The following NPAS3 variants were observed in gnomAD, a reference collection of about 807,000 sequenced individuals.
NPAS3 encodes neuronal PAS domain protein 3.
NPAS3 carries 14 observed loss-of-function variants against 73.1 expected under a neutral mutation model. That is an observed-to-expected ratio of 0.19 (90% CI 0.13 to 0.30). NPAS3 has a LOEUF of 0.30. Among genes scored for constraint, NPAS3 ranks in the 10% least tolerant of loss-of-function variants. The probability of loss-of-function intolerance (pLI) is 1.00; values close to 1 mark genes in which losing one functional copy is unlikely to be tolerated. For synonymous variants in NPAS3, 620 were observed against 541.5 expected, an observed-to-expected ratio of 1.14 and a Z score of -2.01; for missense variants, 1,096 against 1,250.0, an observed-to-expected ratio of 0.88 and a Z score of 1.86.
chr14:33,159,201 A>G (rs942713295), intron 2 of NPAS3, among the ~76,000 whole-genome samples: 4 of 152,100 alleles, frequency 2.6e-5, no homozygotes, highest in African/African-American at 9.7e-5. Context: ...AAAAACCAAA[A>G]TATTACTGTA....
chr14:33,597,733 G>A (rs1041078795), intron 5 of NPAS3, among the ~76,000 whole-genome samples: 2 of 152,328 alleles, frequency 1.3e-5, no homozygotes, highest in African/African-American at 2.4e-5. Flanking sequence ...TGAGCTGGCC[G>A]GCACTGGCCT....
chr14:33,779,094 G>A (rs186849317), intron 9 of NPAS3, among the ~76,000 whole-genome samples: 33 of 152,314 alleles, frequency 2.2e-4, no homozygotes, highest in African/African-American at 6.5e-4. Flanking sequence ...CAGTGCTTTC[G>A]CTGTTTCTGG....
intron 4 of NPAS3, among the ~76,000 whole-genome samples, chr14:33,496,366 G>C (rs914195441): frequency 6.6e-6 from 1 of 152,110 alleles, no homozygotes; most frequent in Non-Finnish European, 1.5e-5. Context: ...GCATCAGCCT[G>C]ATACCAAAGC....
chr14:33,268,516 CT>C (rs1384021452), intron 3 of NPAS3, among the ~76,000 whole-genome samples: 1 of 152,018 alleles, frequency 6.6e-6, no homozygotes. Context: ...CTATGGATTT[CT>C]TTATTTCTCC....
intron 2 of NPAS3, among the ~76,000 whole-genome samples, chr14:33,063,693 T>C (rs1337002542): frequency 2.0e-5 from 3 of 152,198 alleles, no homozygotes; most frequent in Non-Finnish European, 2.9e-5. Flanking sequence ...AAGCTGCAAA[T>C]ATTTACAATC....
chr14:33,544,825 A>ATATATTATATATATATATATATT, intron 4 of NPAS3, among the ~76,000 whole-genome samples: 1 of 112,188 alleles, frequency 8.9e-6, no homozygotes, highest in African/African-American at 4.1e-5. Flanking sequence ...TATATAATAT[A>ATATATTATATATATATATATATT]TATGTGTATA....
intron 3 of NPAS3, among the ~76,000 whole-genome samples, chr14:33,311,306 T>C (rs79238458): frequency 0.029 from 4,366 of 152,268 alleles, 212 homozygotes; most frequent in East Asian, 0.2. Flanking sequence ...TGTTTGTATA[T>C]TGATTGACCA....
chr14:33,322,610 CTAAA>C (rs2043505591), intron 3 of NPAS3, among the ~76,000 whole-genome samples: 1 of 151,986 alleles, frequency 6.6e-6, no homozygotes, highest in African/African-American at 2.4e-5. Context: ...TGCCGTTTTG[CTAAA>C]TGTTTATTTT....
rs574978567 is a variant in NPAS3, at chr14:33,215,200, G to A, written c.159G>A (p.Lys53=). 76 of 1,613,786 alleles carry A rather than the reference G, an allele frequency of 4.7e-5. 2 individuals are homozygous for A. In the South Asian group the frequency reaches 7.0e-4, roughly 15 times the overall value. ...ATTTCAGTTTACAAGCATTGAGAAAGGAGAAATCCCGAGATGCTGCTCGCT... is the reference window on the plus strand; with the variant it reads ...ATTTCAGTTTACAAGCATTGAGAAAAGAGAAATCCCGAGATGCTGCTCGCT... The change falls in exon 3 of 12, where the codon AAG becomes AAA. Residue 53 remains lysine, a synonymous_variant. Coordinates refer to ENST00000356141, the Ensembl canonical transcript of NPAS3.
intron 4 of NPAS3, among the ~76,000 whole-genome samples, chr14:33,505,540 C>T (rs1480159794): frequency 6.6e-6 from 1 of 151,978 alleles, no homozygotes; most frequent in African/African-American, 2.4e-5. Flanking sequence ...AGCCCATCTG[C>T]ACTCCCTTAT....
chr14:33,093,019 G>T (rs2042282014), intron 2 of NPAS3, among the ~76,000 whole-genome samples: 1 of 152,164 alleles, frequency 6.6e-6, no homozygotes, highest in South Asian at 2.1e-4. Context: ...AGAAACCCTA[G>T]AAGAAAACCT....
chr14:33,377,384 A>G (rs1341045840), intron 4 of NPAS3, among the ~76,000 whole-genome samples: 3 of 152,216 alleles, frequency 2.0e-5, no homozygotes, highest in Non-Finnish European at 4.4e-5. Flanking sequence ...TAAACACCCA[A>G]TCAGAAATCC....
At chr14:33,015,733 A>C (rs1045506529) in intron 1 of NPAS3, among the ~76,000 whole-genome samples, 1 of 152,206 alleles carries the variant, frequency 6.6e-6, no homozygotes, top group Admixed American at 6.5e-5. Flanking sequence ...ACACCCCTAC[A>C]TATTCTCAAG....
At chr14:33,511,554 T>C (rs913184792) in intron 4 of NPAS3, among the ~76,000 whole-genome samples, 7 of 152,116 alleles carry the variant, frequency 4.6e-5, no homozygotes, top group African/African-American at 1.7e-4. Context: ...GTGGCCGCGC[T>C]GTTGTATCCT....
chr14:33,136,444 T>C (rs200598836), intron 2 of NPAS3, among the ~76,000 whole-genome samples: 1 of 152,142 alleles, frequency 6.6e-6, no homozygotes, highest in African/African-American at 2.4e-5. Context: ...CTTTAACACA[T>C]TGATAATGCA....
intron 2 of NPAS3, among the ~76,000 whole-genome samples, chr14:33,057,969 G>A (rs529885572): frequency 4.9e-4 from 75 of 152,218 alleles, no homozygotes; most frequent in Non-Finnish European, 9.4e-4. Flanking sequence ...CGGGTATTCC[G>A]ATTTTATCTT....
At chr14:33,528,142 T>G (rs555089156) in intron 4 of NPAS3, among the ~76,000 whole-genome samples, 30 of 152,128 alleles carry the variant, frequency 2.0e-4, no homozygotes, top group African/African-American at 6.3e-4. Flanking sequence ...AAGTAAGAGA[T>G]TATCCTGATT....
chr14:33,138,205 T>TC (rs1267070114), intron 2 of NPAS3, among the ~76,000 whole-genome samples: 2 of 73,426 alleles, frequency 2.7e-5, no homozygotes, highest in African/African-American at 1.0e-4. Flanking sequence ...CCCTCCCCCC[T>TC]CCCCCCACCT....
intron 6 of NPAS3, among the ~76,000 whole-genome samples, chr14:33,732,291 G>A (rs140952633): frequency 4.2e-4 from 64 of 152,160 alleles, no homozygotes; most frequent in African/African-American, 1.3e-3. Context: ...CACCAAGGCC[G>A]TGCTGCCTTG....
Sources: allele counts gnomAD v4.1 joint callset (sites outside exome capture counted in the v4.1 genomes callset), GRCh38; gene constraint gnomAD v4.1.1; transcripts MANE v1.5; gene names NCBI Gene and HGNC (gene_info 2026-07-23, HGNC 2026-07-21).